PERP: variants seen among roughly 807,000 people sequenced by gnomAD.
PERP encodes p53 apoptosis effector related to PMP-22.
PERP carries 11 observed loss-of-function variants against 20.3 expected under a neutral mutation model. The ratio of observed to expected loss-of-function variants is 0.54; its 90% CI spans 0.34 to 0.90. The LOEUF (loss-of-function observed/expected upper bound fraction) is 0.90. PERP is among the 40% of genes least tolerant of loss of function. The pLI is 0.02. For missense variants in PERP, 224 were observed against 249.4 expected (o/e 0.90, Z 0.69); for synonymous variants, 101 against 102.0 (o/e 0.99, Z 0.06).
At chr6:138,105,729 C>T (rs1000363738) in intron 1 of PERP, among the ~76,000 whole-genome samples, 1 of 152,228 alleles carries the variant, frequency 6.6e-6, no homozygotes, top group African/African-American at 2.4e-5. Context: ...TAAAAACACA[C>T]ACGCAGATCT....
intron 1 of PERP, among the ~76,000 whole-genome samples, chr6:138,100,639 C>G (rs1031720349): frequency 4.6e-5 from 7 of 151,928 alleles, no homozygotes; most frequent in Admixed American, 4.6e-4. Flanking sequence ...ATTGAGACCA[C>G]AAAAGCATTC....
rs2114328166 is a variant in PERP, at chr6:138,092,409, G to A, written c.356-141C>T. 3 of 780,010 alleles carry A rather than the reference G, an allele frequency of 3.8e-6. No individual in the cohort carries two copies. In the East Asian group the frequency reaches 8.1e-5, roughly 21 times the overall value. The allele number at this position is 780,010 out of a possible 1,614,324, so 48.3% of individuals were successfully genotyped here. On this transcript the variant is annotated intron_variant, in intron 2 of 2. Coordinates refer to ENST00000421351, the MANE Select transcript of PERP (RefSeq NM_022121.5). The stretch of plus-strand genomic sequence containing the variant: ...ATCTACCTGGAGGCAGGAGGAATCT[G>A]GTTAGGCAGAGGCCAAAAAAGATTC...
At chr6:138,103,111 G>A (rs1775798876) in intron 1 of PERP, among the ~76,000 whole-genome samples, 1 of 147,682 alleles carries the variant, frequency 6.8e-6, no homozygotes, top group South Asian at 2.1e-4. Flanking sequence ...AAAAAAAAGA[G>A]TAATCTGTCT....
Position 138,090,093 on chromosome 6 carries a change from T to G in PERP, c.*1949A>C, listed in dbSNP as rs1775553405. The G allele has an allele frequency of 6.6e-6, 1 of 152,190 alleles. No individual in the cohort carries two copies. Among genetic ancestry groups the G allele is most frequent in the African/African-American group, 2.4e-5 (1 of 41,450 alleles). 9.4% of individuals were successfully genotyped at this position (152,190 alleles called of 1,614,324 possible). A position where few individuals can be genotyped will look rare whatever the true frequency, so the allele number is the denominator to read the frequency against. On this transcript the variant is annotated 3_prime_UTR_variant, in exon 3 of 3. Coordinates refer to ENST00000421351, the MANE Select transcript of PERP (RefSeq NM_022121.5). ...ATTTTTAACATTTTTAATGACCACT[T>G]CAAATTCTCCACCAGCCACGGCATA...
rs1402470638 is a variant in PERP, at chr6:138,092,131, C to T, written c.493G>A (p.Gly165Ser). 5 of 1,613,950 alleles carry T rather than the reference C, an allele frequency of 3.1e-6. No homozygotes were observed. Among genetic ancestry groups the T allele is most frequent in the Admixed American group, 1.7e-5 (1 of 59,962 alleles). Residue 165 changes from glycine (G) to serine (S), a missense_variant, in exon 3 of 3, where the codon GGC (glycine) becomes AGC (serine). By Grantham distance (56) the Gly-to-Ser change is moderately conservative. Coordinates refer to ENST00000421351, the MANE Select transcript of PERP (RefSeq NM_022121.5). ...FGWAATIILI[G>S]CAFFFCCLPN... ...AGGCAGCAGAAGAAGAAGGCACAGC[C>T]AATCAGGATAATCGTGGCTGCCCAC...
At chr6:138,096,182 G>C (rs6903898) in intron 2 of PERP, among the ~76,000 whole-genome samples, 172 bp downstream of exon 2, 32,342 of 152,176 alleles carry the variant, frequency 0.21, 4,771 homozygotes, top group African/African-American at 0.42. Flanking sequence ...CAAGAGGAAA[G>C]GGAACCAGAT....
rs185332894 is a variant in PERP at position 138,097,644 on chromosome 6, A to G, written c.215-1150T>C. Among the ~76,000 whole-genome samples the G allele has an allele frequency of 1.0e-3, 157 of 152,320 alleles. 1 individual carries two copies. The highest frequency in any genetic ancestry group is 1.9e-3 in the Non-Finnish European group (131 of 68,022). ...TGTTTCTATTTTAGAAATGAAGGATATACTTAGAGTTCAAATAACCTGCCC... is the reference window on the plus strand; with the variant it reads ...TGTTTCTATTTTAGAAATGAAGGATGTACTTAGAGTTCAAATAACCTGCCC... On this transcript the variant is annotated intron_variant, in intron 1 of 2. Coordinates refer to ENST00000421351, the MANE Select transcript of PERP (RefSeq NM_022121.5).
intron 1 of PERP, among the ~76,000 whole-genome samples, chr6:138,103,181 G>T (rs1190266838): frequency 1.3e-5 from 2 of 151,350 alleles, no homozygotes; most frequent in Admixed American, 1.3e-4. Context: ...ACTGAGTCTC[G>T]CTCTGTCACC....
intron 1 of PERP, among the ~76,000 whole-genome samples, chr6:138,103,553 T>C (rs1191736299): frequency 6.6e-6 from 1 of 152,226 alleles, no homozygotes; most frequent in Non-Finnish European, 1.5e-5. Flanking sequence ...CCCAACATTT[T>C]TGGCACCAGG....
rs746907383 is a variant in PERP, at chr6:138,107,103, ACGGCGG to A, written c.214+18_214+23del. 1 of 1,572,600 alleles carries A rather than the reference ACGGCGG, an allele frequency of 6.4e-7. No individual in the cohort carries two copies. The highest frequency in any genetic ancestry group is 8.6e-7 in the Non-Finnish European group (1 of 1,160,180). ...CCCCGAGGGCTTCCTGGAGGCGGCG[ACGGCGG>A]CGGCGGCGGGCACTCACCGTACTCC... On this transcript the variant is annotated intron_variant, in intron 1 of 2. Transcript: ENST00000421351. This position sits in a 1 kb window ranked among gnomAD's most constrained non-coding sequence, Gnocchi z 4.8.
intron 1 of PERP, among the ~76,000 whole-genome samples, chr6:138,101,117 A>G (rs534406077): frequency 2.0e-5 from 3 of 152,356 alleles, no homozygotes; most frequent in African/African-American, 7.2e-5. Context: ...TCAAGCCTGT[A>G]AGCCCAGCAC....
At chr6:138,093,125 A>T (rs1349468395) in intron 2 of PERP, among the ~76,000 whole-genome samples, 1 of 152,212 alleles carries the variant, frequency 6.6e-6, no homozygotes, top group Non-Finnish European at 1.5e-5. Context: ...ATGGACATGC[A>T]TGATTTTATA....
rs531195870 is a variant in PERP, at chr6:138,098,230, G to A, written c.215-1736C>T. On this transcript the variant is annotated intron_variant, in intron 1 of 2. Transcript: ENST00000421351. Reference sequence around the variant, plus strand: ...TGAGTCACCTGTCCTCCATCTTGGCGTTACTCTTACTCTGTGACGCAGCAC... The same window carrying A: ...TGAGTCACCTGTCCTCCATCTTGGCATTACTCTTACTCTGTGACGCAGCAC... 1.4e-4 allele frequency among the ~76,000 whole-genome samples: 21 copies of A among 152,264 alleles called. No homozygotes were observed. In the South Asian group the frequency reaches 1.5e-3, roughly 11 times the overall value.
rs1370367559 is a variant in PERP, at chr6:138,088,767, G to T, written c.*3275C>A. 5.3e-5 allele frequency: 8 copies of T among 152,124 alleles called. No individual in the cohort carries two copies. Among genetic ancestry groups the T allele is most frequent in the Non-Finnish European group, 1.0e-4 (7 of 68,024 alleles). 9.4% of individuals were successfully genotyped at this position (152,124 alleles called of 1,614,324 possible). ...AGGCAAGCCAAGCTCACCTAAAAATGGTCTCAAAAAGCAAAGGGCTCTGAC... is the reference window on the plus strand; with the variant it reads ...AGGCAAGCCAAGCTCACCTAAAAATTGTCTCAAAAAGCAAAGGGCTCTGAC... On this transcript the variant is annotated 3_prime_UTR_variant, in exon 3 of 3. Transcript: ENST00000421351.
chr6:138,103,086 G>A (rs1775797962), intron 1 of PERP, among the ~76,000 whole-genome samples: 2 of 136,396 alleles, frequency 1.5e-5, no homozygotes, highest in South Asian at 2.7e-4. Context: ...GCGACAGACC[G>A]AGACTCCGTC....
chr6:138,106,755 C>G (rs1000708843), intron 1 of PERP, among the ~76,000 whole-genome samples: 1 of 151,864 alleles, frequency 6.6e-6, no homozygotes, highest in South Asian at 2.1e-4. Flanking sequence ...TAAGAAGAAA[C>G]GAGAAGGAAG....
rs1775546879 is a variant in PERP, at chr6:138,089,710, G to T, written c.*2332C>A. The stretch of plus-strand genomic sequence containing the variant: ...TTATGACATAAAGGTATCTGTCTTG[G>T]TGAATCTGGATCAACAAGGAATGGC... On this transcript the variant is annotated 3_prime_UTR_variant, in exon 3 of 3. Transcript: ENST00000421351. 6.6e-6 allele frequency: 1 copy of T among 152,148 alleles called. No homozygotes were observed. The highest frequency in any genetic ancestry group is 6.5e-5 in the Admixed American group (1 of 15,274). The allele number at this position is 152,148 out of a possible 1,614,324, so 9.4% of individuals were successfully genotyped here.
At chr6:138,101,054 A>C (rs182314756) in intron 1 of PERP, among the ~76,000 whole-genome samples, 58 of 152,356 alleles carry the variant, frequency 3.8e-4, no homozygotes, top group Non-Finnish European at 7.5e-4. Context: ...CAAAAAAGTA[A>C]AAATAAATAA....
At position 138,093,904 on chromosome 6, in the gene PERP, C is replaced by T. The variant is rs150948918; in HGVS notation, c.356-1636G>A. 7.2e-3 allele frequency among the ~76,000 whole-genome samples: 1,094 copies of T among 152,132 alleles called. 14 individuals are homozygous for T. The highest frequency in any genetic ancestry group is 0.025 in the African/African-American group (1,055 of 41,480). On this transcript the variant is annotated intron_variant, in intron 2 of 2. Coordinates refer to ENST00000421351, the MANE Select transcript of PERP (RefSeq NM_022121.5). The stretch of plus-strand genomic sequence containing the variant: ...TAAATACATTTTCTGTTCTATTTTT[C>T]ATACTCTTTAAAGGAAAGGATGAGT...
Sources: allele counts gnomAD v4.1 joint callset (sites outside exome capture counted in the v4.1 genomes callset), GRCh38; gene constraint gnomAD v4.1.1; non-coding constraint Gnocchi (gnomAD v3.1); transcripts MANE v1.5; gene names NCBI Gene and HGNC (gene_info 2026-07-23, HGNC 2026-07-21).